MAPK4: variants seen among roughly 807,000 people sequenced by gnomAD.
MAPK4 encodes the protein Erk3-related.
MAPK4 carries 22 observed loss-of-function variants against 47.7 expected under a neutral mutation model. That is an observed-to-expected ratio of 0.46 (90% CI 0.33 to 0.66). The LOEUF (loss-of-function observed/expected upper bound fraction) is 0.66, where lower values mean the gene tolerates loss of function less well. Ranked by LOEUF, MAPK4 falls within the 30% of genes least tolerant of loss-of-function variation. The pLI is 0.02. For synonymous variants in MAPK4, 390 were observed against 365.7 expected (o/e 1.07, Z -0.76); for missense variants, 736 against 831.7 (o/e 0.88, Z 1.42).
chr18:50,707,090 A>G (rs1038728027), intron 2 of MAPK4, among the ~76,000 whole-genome samples: 2 of 152,214 alleles, frequency 1.3e-5, no homozygotes, highest in African/African-American at 4.8e-5. Flanking sequence ...GGAGAAGTAC[A>G]TTACGCTAAA....
intron 1 of MAPK4, among the ~76,000 whole-genome samples, chr18:50,583,728 G>T (rs1019524534): frequency 6.6e-6 from 1 of 152,210 alleles, no homozygotes; most frequent in Non-Finnish European, 1.5e-5. Context: ...TGGATTGTAG[G>T]TCGGGTTTCA....
intron 2 of MAPK4, among the ~76,000 whole-genome samples, chr18:50,676,370 GTGACAC>G (rs1172400974): frequency 6.6e-6 from 1 of 152,188 alleles, no homozygotes; most frequent in Admixed American, 6.5e-5. Context: ...CCCCTCCAGA[GTGACAC>G]TGACATTCTT....
intron 1 of MAPK4, among the ~76,000 whole-genome samples, chr18:50,608,562 G>A (rs919364996): frequency 6.6e-6 from 1 of 152,146 alleles, no homozygotes; most frequent in African/African-American, 2.4e-5. Flanking sequence ...CCAAAAGAGA[G>A]ATTTTGGGGG....
At chr18:50,588,974 A>G in intron 1 of MAPK4, among the ~76,000 whole-genome samples, 1 of 152,230 alleles carries the variant, frequency 6.6e-6, no homozygotes, top group Non-Finnish European at 1.5e-5. Context: ...ACTTGCTAAG[A>G]GAAACTCAGA....
intron 1 of MAPK4, among the ~76,000 whole-genome samples, chr18:50,612,006 T>C (rs1157845513): frequency 1.3e-5 from 2 of 152,196 alleles, no homozygotes. Flanking sequence ...AGTTTTCACA[T>C]GTTTACACTA....
chr18:50,596,468 G>A (rs1424583094), intron 1 of MAPK4, among the ~76,000 whole-genome samples: 1 of 152,136 alleles, frequency 6.6e-6, no homozygotes, highest in Non-Finnish European at 1.5e-5. Flanking sequence ...AATCCTTCAT[G>A]AGAATTCTCT....
chr18:50,649,944 C>G (rs568003561), intron 1 of MAPK4, among the ~76,000 whole-genome samples: 1 of 152,170 alleles, frequency 6.6e-6, no homozygotes, highest in African/African-American at 2.4e-5. Context: ...CCATCCAGCC[C>G]GCTGCAGGCC....
chr18:50,651,531 G>A (rs971331521), intron 1 of MAPK4, among the ~76,000 whole-genome samples: 3 of 152,158 alleles, frequency 2.0e-5, no homozygotes, highest in African/African-American at 4.8e-5. Flanking sequence ...GTACAACCAC[G>A]TTTCCTCTCC....
chr18:50,627,189 G>C (rs954121657), intron 1 of MAPK4, among the ~76,000 whole-genome samples: 1 of 152,058 alleles, frequency 6.6e-6, no homozygotes, highest in South Asian at 2.1e-4. Context: ...GACCAGCCTT[G>C]GGGAATGGCT....
chr18:50,703,697 A>G (rs1434749398), intron 2 of MAPK4, among the ~76,000 whole-genome samples: 4 of 152,198 alleles, frequency 2.6e-5, no homozygotes, highest in African/African-American at 7.2e-5. Flanking sequence ...AAAAAAGTGG[A>G]TAAGTGGTCA....
intron 1 of MAPK4, among the ~76,000 whole-genome samples, chr18:50,578,996 C>A (rs2042321009): frequency 1.3e-5 from 2 of 152,110 alleles, no homozygotes; most frequent in South Asian, 4.1e-4. Context: ...GCATGGAGAA[C>A]CATACATGGC....
At chr18:50,654,844 CT>C (rs955413296) in intron 1 of MAPK4, among the ~76,000 whole-genome samples, 1 of 152,230 alleles carries the variant, frequency 6.6e-6, no homozygotes, top group Non-Finnish European at 1.5e-5. Flanking sequence ...CGGAATTTCT[CT>C]CCGTGCTATT....
chr18:50,688,889 T>TTAA (rs1555655411), intron 2 of MAPK4, among the ~76,000 whole-genome samples: 2 of 115,926 alleles, frequency 1.7e-5, no homozygotes, highest in African/African-American at 6.6e-5. Context: ...CCTATGGAAA[T>TTAA]AAAAAAAAAA....
At chr18:50,559,722 C>A (rs1202259943), upstream of MAPK4, among the ~76,000 whole-genome samples, 1 of 151,858 alleles carries the variant, frequency 6.6e-6, no homozygotes, top group Non-Finnish European at 1.5e-5. Context: ...CCCTCCCTCC[C>A]GGACGGAGCC....
chr18:50,609,480 G>A (rs1460375236), intron 1 of MAPK4, among the ~76,000 whole-genome samples: 1 of 152,088 alleles, frequency 6.6e-6, no homozygotes, highest in Non-Finnish European at 1.5e-5. Context: ...TGACTTGCCA[G>A]GACACACAGT....
At chr18:50,694,942 C>T (rs886287183) in intron 2 of MAPK4, among the ~76,000 whole-genome samples, 1 of 152,158 alleles carries the variant, frequency 6.6e-6, no homozygotes, top group Non-Finnish European at 1.5e-5. Flanking sequence ...CCTGGCCACT[C>T]TAAGCATTAA....
intron 2 of MAPK4, among the ~76,000 whole-genome samples, chr18:50,691,042 G>C (rs1909185620): frequency 6.6e-6 from 1 of 151,876 alleles, no homozygotes; most frequent in African/African-American, 2.4e-5. Context: ...GCCCAGGCTG[G>C]AATGCAGTGG....
intron 1 of MAPK4, among the ~76,000 whole-genome samples, chr18:50,616,494 T>C (rs1282315145): frequency 6.6e-6 from 1 of 152,160 alleles, no homozygotes; most frequent in East Asian, 1.9e-4. Context: ...TAGATAAATA[T>C]ATGAGGGGGA....
In MAPK4 at chr18:50,649,460, A is replaced by G. The variant is rs143483121; in HGVS notation, c.-870-13629A>G. Among the ~76,000 whole-genome samples the G allele has an allele frequency of 2.3e-3, 347 of 152,258 alleles. 9 individuals carry two copies. In the East Asian group the frequency reaches 0.027, roughly 12 times the overall value. On this transcript the variant is annotated intron_variant, in intron 1 of 5. Transcript: ENST00000400384. ...TCCCCTCCTGCCACGCTCAATGACAACATCCTCACTTGGTTTCCTCCAGGT... is the reference window on the plus strand; with the variant it reads ...TCCCCTCCTGCCACGCTCAATGACAGCATCCTCACTTGGTTTCCTCCAGGT...
Sources: allele counts gnomAD v4.1 joint callset (sites outside exome capture counted in the v4.1 genomes callset), GRCh38; gene constraint gnomAD v4.1.1; transcripts MANE v1.5; gene names NCBI Gene and HGNC (gene_info 2026-07-23, HGNC 2026-07-21).